The following ATP11A variants were observed in gnomAD, a reference collection of about 807,000 sequenced individuals.
The protein encoded by ATP11A is phospholipid-transporting ATPase IH.
A neutral mutation model predicts 154.4 loss-of-function variants in ATP11A; 81 were observed. That is an observed-to-expected ratio of 0.52 (90% confidence interval 0.44 to 0.63). ATP11A has a LOEUF of 0.63. Among genes scored for constraint, ATP11A ranks in the 30% least tolerant of loss-of-function variants. The probability of loss-of-function intolerance (pLI) is 0.00; values close to 1 mark genes in which losing one functional copy is unlikely to be tolerated. For synonymous variants in ATP11A, 623 were observed against 585.9 expected, an observed-to-expected ratio of 1.06 and a Z score of -0.91; for missense variants, 1,316 against 1,474.3, an observed-to-expected ratio of 0.89 and a Z score of 1.76.
At position 112,875,492 on chromosome 13, in the gene ATP11A, G is replaced by T. The variant is rs113522213; in HGVS notation, c.3162-284G>T. On this transcript the variant is annotated intron_variant, in intron 27 of 29. Coordinates refer to ENST00000375645, the MANE Select transcript of ATP11A (RefSeq NM_015205.3). The surrounding 1 kb of genome is among the most constrained non-coding windows in gnomAD (Gnocchi z 4.1). ...TCAATCCCTTTGTGTTTTGTTTTTTGTTTTTTTTTTTTTTGCTTCTGTGAA... is the reference window on the plus strand; with the variant it reads ...TCAATCCCTTTGTGTTTTGTTTTTTTTTTTTTTTTTTTTTGCTTCTGTGAA... Among the ~76,000 whole-genome samples, 419 of 145,990 alleles carry T rather than the reference G, an allele frequency of 2.9e-3. 6 individuals are homozygous for T. Among genetic ancestry groups the T allele is most frequent in the South Asian group, 0.024 (107 of 4,538 alleles).
At chr13:112,766,434 T>C (rs920986912) in intron 1 of ATP11A, among the ~76,000 whole-genome samples, 1 of 152,188 alleles carries the variant, frequency 6.6e-6, no homozygotes, top group African/African-American at 2.4e-5. Flanking sequence ...ACCCAGAGGC[T>C]GTCACAGGGC....
At chr13:112,740,203 G>A (rs995774076) in intron 1 of ATP11A, among the ~76,000 whole-genome samples, 4 of 147,538 alleles carry the variant, frequency 2.7e-5, no homozygotes, top group South Asian at 2.2e-4. Flanking sequence ...TTTTTGAGAC[G>A]GAGTCTCGCT....
At chr13:112,798,802 T>A (rs2078063308) in intron 2 of ATP11A, among the ~76,000 whole-genome samples, 1 of 152,218 alleles carries the variant, frequency 6.6e-6, no homozygotes, top group Non-Finnish European at 1.5e-5. Flanking sequence ...CAGTTACAAA[T>A]ATGGTAAATA....
At chr13:112,856,216 G>A (rs565345096) in intron 20 of ATP11A, 131 bp downstream of exon 20, 163 of 901,442 alleles carry the variant, frequency 1.8e-4, no homozygotes, top group Middle Eastern at 3.6e-4. Flanking sequence ...AGAAGCAACC[G>A]TGATAGAGAT....
At chr13:112,802,039 T>C (rs1312374550) in intron 2 of ATP11A, among the ~76,000 whole-genome samples, 2 of 152,148 alleles carry the variant, frequency 1.3e-5, no homozygotes, top group East Asian at 3.9e-4. Context: ...CAGTGTGGTG[T>C]TGCTGAAAGA....
rs1166141343 is a variant in ATP11A at position 112,696,611 on chromosome 13, C to T, written c.39+6156C>T. ...CGTGCTCATTTTTGGCTTCCAGCTA[C>T]CGTTTTTCTTAGGTTACCCCGCGTA... On this transcript the variant is annotated intron_variant, in intron 1 of 29. Transcript: ENST00000375645. This position sits in a 1 kb window ranked among gnomAD's most constrained non-coding sequence, Gnocchi z 6.2. Among the ~76,000 whole-genome samples the T allele has an allele frequency of 6.6e-6, 1 of 152,120 alleles. No homozygotes were observed. Among genetic ancestry groups the T allele is most frequent in the Non-Finnish European group, 1.5e-5 (1 of 68,034 alleles).
At chr13:112,778,520 G>A (rs543135675) in intron 1 of ATP11A, among the ~76,000 whole-genome samples, 108 of 152,390 alleles carry the variant, frequency 7.1e-4, no homozygotes, top group African/African-American at 2.5e-3. Flanking sequence ...CATTGCTTGA[G>A]CCCAGGAGTT....
intron 1 of ATP11A, among the ~76,000 whole-genome samples, chr13:112,740,852 G>A (rs1891472232): frequency 6.6e-6 from 1 of 152,218 alleles, no homozygotes; most frequent in Non-Finnish European, 1.5e-5. Flanking sequence ...CGCCATCAGG[G>A]TCCCGGGTCG....
intron 1 of ATP11A, among the ~76,000 whole-genome samples, chr13:112,709,261 C>T (rs1238481939): frequency 2.0e-5 from 3 of 152,166 alleles, no homozygotes; most frequent in Non-Finnish European, 4.4e-5. Context: ...CCCTGTATAT[C>T]ATGACTTACT....
intron 2 of ATP11A, among the ~76,000 whole-genome samples, chr13:112,794,905 A>G (rs1044622845): frequency 6.6e-6 from 1 of 151,798 alleles, no homozygotes; most frequent in South Asian, 2.1e-4. Flanking sequence ...TAAAGCAATC[A>G]TGCAGGTGGT....
rs1431427336 is a variant in ATP11A, at chr13:112,858,499, C to T, written c.2667+209C>T. The T allele has an allele frequency of 1.0e-5, 5 of 496,494 alleles. No individual in the cohort carries two copies. The Admixed American group carries it at 1.9e-4, about 19-fold the overall frequency. The allele number at this position is 496,494 out of a possible 1,614,324, so 30.8% of individuals were successfully genotyped here. Reference sequence around the variant, plus strand: ...CAGTTTCCATTACCTACAGTCAACCCATGCCCAAAAATATCAAACGCAAAA... The same window carrying T: ...CAGTTTCCATTACCTACAGTCAACCTATGCCCAAAAATATCAAACGCAAAA... On this transcript the variant is annotated intron_variant, in intron 22 of 29. Transcript: ENST00000375645.
At chr13:112,823,431 A>T in intron 9 of ATP11A, 22 bp downstream of exon 9, 1 of 1,570,176 alleles carries the variant, frequency 6.4e-7, no homozygotes, top group Non-Finnish European at 8.8e-7. Context: ...ATTAATTATT[A>T]ACCATTGCCC....
chr13:112,765,623 T>G (rs1244564191), intron 1 of ATP11A, among the ~76,000 whole-genome samples: 2 of 152,224 alleles, frequency 1.3e-5, no homozygotes, highest in African/African-American at 4.8e-5. Flanking sequence ...GGTTGATCTT[T>G]TGAATGAGTC....
intron 1 of ATP11A, among the ~76,000 whole-genome samples, chr13:112,723,235 G>C (rs1395428851): frequency 2.7e-5 from 4 of 146,506 alleles, no homozygotes; most frequent in African/African-American, 1.0e-4. Context: ...GTGGAGACCA[G>C]GGCTTTATCA....
chr13:112,806,242 G>C lies in ATP11A; in HGVS notation c.282G>C (p.Val94=), dbSNP rs745713080. ...QLIIDTPTSP[V]TSGLPLFFVI... is the part of the protein sequence containing the mutation. ...TTATTGATACACCCACAAGTCCAGT[G>C]ACAAGCGGACTTCCACTCTTCTTTG... The change falls in exon 4 of 30, where the codon GTG becomes GTC. Residue 94 remains valine, a synonymous_variant. Transcript: ENST00000375645. 1.9e-6 allele frequency: 3 copies of C among 1,613,636 alleles called. No homozygotes were observed. The East Asian group carries it at 6.7e-5, about 36-fold the overall frequency.
rs1200259842 is a variant in ATP11A, at chr13:112,883,247, A to AG, written c.*1384dup. 2.5e-5 allele frequency: 10 copies of AG among 398,566 alleles called. No homozygotes were observed. Among genetic ancestry groups the AG allele is most frequent in the Non-Finnish European group, 4.4e-5 (10 of 226,126 alleles). 24.7% of individuals were successfully genotyped at this position (398,566 alleles called of 1,614,324 possible). A position where few individuals can be genotyped will look rare whatever the true frequency, so the allele number is the denominator to read the frequency against. ...CTGCTCTGGGTGGGTTAGCAACCCC[A>AG]GGGCTGCTGTGATAGGAAGTCCCTG... On this transcript the variant is annotated 3_prime_UTR_variant, in exon 30 of 30. Coordinates refer to ENST00000375645, the MANE Select transcript of ATP11A (RefSeq NM_015205.3).
Position 112,816,152 on chromosome 13 carries a change from CG to C in ATP11A, c.515del (p.Gly172GlufsTer65). ...CGACTTGATCTTCCTTTCCAGCAAC[CG>C]GGGAGATGGGACGTGCCACGTCACC... The part of the protein sequence containing the change: ...PCDLIFLSSN[R>X]GDGTCHVTTA... On this transcript the variant is annotated frameshift_variant, in exon 6 of 30. Coordinates refer to ENST00000375645, the MANE Select transcript of ATP11A (RefSeq NM_015205.3). LOFTEE classifies it high-confidence loss of function. 6.2e-7 allele frequency: 1 copy of C among 1,614,148 alleles called. No individual in the cohort carries two copies. The highest frequency in any genetic ancestry group is 8.5e-7 in the Non-Finnish European group (1 of 1,180,032).
In ATP11A at chr13:112,881,998, C is replaced by T. The variant is rs773476293; in HGVS notation, c.*132C>T. On this transcript the variant is annotated 3_prime_UTR_variant, in exon 30 of 30. Coordinates refer to ENST00000375645, the MANE Select transcript of ATP11A (RefSeq NM_015205.3). ...AGCCCCCACCCATCCTCGGCGGTTC[C>T]CATCACCACTGCAGTTCCATCCCAA... 2.0e-5 allele frequency: 27 copies of T among 1,367,676 alleles called. No individual in the cohort carries two copies. The highest frequency in any genetic ancestry group is 2.4e-5 in the Non-Finnish European group (25 of 1,021,990). 84.7% of individuals were successfully genotyped at this position (1,367,676 alleles called of 1,614,324 possible). A position where few individuals can be genotyped will look rare whatever the true frequency, so the allele number is the denominator to read the frequency against.
At chr13:112,881,448 A>G (rs560806806) in intron 29 of ATP11A, 3 of 1,064,078 alleles carry the variant, frequency 2.8e-6, no homozygotes, top group Non-Finnish European at 3.4e-6. Flanking sequence ...GGGTACCGGT[A>G]TGGCGTTCGA....
Sources: allele counts gnomAD v4.1 joint callset (sites outside exome capture counted in the v4.1 genomes callset), GRCh38; gene constraint gnomAD v4.1.1; non-coding constraint Gnocchi (gnomAD v3.1); transcripts MANE v1.5; gene names NCBI Gene and HGNC (gene_info 2026-07-23, HGNC 2026-07-21).